Variants in PCDHGA4 observed in about 807,000 individuals in gnomAD.
PCDHGA4 encodes protocadherin gamma-A4.
In PCDHGA4, 38 loss-of-function variants were observed where a neutral mutation model predicts 54.6. The ratio of observed to expected loss-of-function variants is 0.70; its 90% CI spans 0.54 to 0.91. The LOEUF is 0.91. PCDHGA4 is among the 40% of genes least tolerant of loss of function. PCDHGA4 has a pLI of 0.00. For missense variants in PCDHGA4, 1,298 were observed against 1,220.9 expected (o/e 1.06, Z -0.94); for synonymous variants, 511 against 512.9 (o/e 1.00, Z 0.05).
chr5:141,486,608 G>A lies in PCDHGA4; in HGVS notation c.2515-8199G>A. On this transcript the variant is annotated intron_variant, in intron 1 of 3. Transcript: ENST00000571252. The surrounding 1 kb of genome is among the most constrained non-coding windows in gnomAD (Gnocchi z 5.0). ...AGGGGACCTGCTTTGCTCCCTTGCAGCCTCTGACCCAGACTCTGGCTTGAA... is the reference window on the plus strand; with the variant it reads ...AGGGGACCTGCTTTGCTCCCTTGCAACCTCTGACCCAGACTCTGGCTTGAA... 3 of 1,613,546 alleles carry A rather than the reference G, an allele frequency of 1.9e-6. No homozygotes were observed. The highest frequency in any genetic ancestry group is 2.5e-6 in the Non-Finnish European group (3 of 1,180,024).
intron 1 of PCDHGA4, chr5:141,389,596 C>A: frequency 6.2e-7 from 1 of 1,613,132 alleles, no homozygotes; most frequent in Non-Finnish European, 8.5e-7. Context: ...GACGGCTCTG[C>A]GCTCTTCGAT....
intron 1 of PCDHGA4, chr5:141,418,309 G>A (rs756375907): frequency 6.2e-7 from 1 of 1,614,008 alleles, no homozygotes; most frequent in South Asian, 1.1e-5. Flanking sequence ...GCCTGGGGAT[G>A]GGAACAATTC....
At chr5:141,399,372 T>C (rs1333971188) in intron 1 of PCDHGA4, 8 of 1,613,970 alleles carry the variant, frequency 5.0e-6, no homozygotes, top group Non-Finnish European at 6.8e-6. Flanking sequence ...CGGAGTACAA[T>C]GTCACCATCA....
chr5:141,408,144 G>C (rs868032463), intron 1 of PCDHGA4: 4 of 1,496,186 alleles, frequency 2.7e-6, no homozygotes, highest in East Asian at 2.5e-5. Context: ...CTTTTAGCGC[G>C]GTAGAGTGCA....
chr5:141,388,541 T>C, intron 1 of PCDHGA4: 1 of 1,613,800 alleles, frequency 6.2e-7, no homozygotes, highest in Non-Finnish European at 8.5e-7. Flanking sequence ...ACTTTGGAGC[T>C]CCACCCCTAA....
chr5:141,486,150 G>T lies in PCDHGA4; in HGVS notation c.2515-8657G>T. The T allele has an allele frequency of 6.2e-7, 1 of 1,614,180 alleles. No individual in the cohort carries two copies. The highest frequency in any genetic ancestry group is 8.5e-7 in the Non-Finnish European group (1 of 1,180,030). On this transcript the variant is annotated intron_variant, in intron 1 of 3. Transcript: ENST00000571252. This position sits in a 1 kb window ranked among gnomAD's most constrained non-coding sequence, Gnocchi z 5.0. The stretch of plus-strand genomic sequence containing the variant: ...TTTGATGTGCGGGCTCGCGATGGGG[G>T]TTCTCCAGCCATGGAGCAACATTGC...
In PCDHGA4 at chr5:141,486,056, C is replaced by T; in HGVS notation, c.2515-8751C>T. 6.2e-7 allele frequency: 1 copy of T among 1,614,170 alleles called. No homozygotes were observed. The highest frequency in any genetic ancestry group is 8.5e-7 in the Non-Finnish European group (1 of 1,180,026). ...TGATCGTGTAAGAAACCTCTTTAGC[C>T]TGCACCCCACTACTGGAAAGCTTAC... On this transcript the variant is annotated intron_variant, in intron 1 of 3. Transcript: ENST00000571252. The surrounding 1 kb of genome is among the most constrained non-coding windows in gnomAD (Gnocchi z 5.0).
In PCDHGA4 at chr5:141,512,843, T is replaced by G. The variant is rs2099884463; in HGVS notation, c.*1670T>G. ...CCCTCCCCCGTACTGACTTCTCCTATAAGCGCTTCTCTTCGCATAGTCACG... is the reference window on the plus strand; with the variant it reads ...CCCTCCCCCGTACTGACTTCTCCTAGAAGCGCTTCTCTTCGCATAGTCACG... On this transcript the variant is annotated 3_prime_UTR_variant, in exon 4 of 4. Coordinates refer to ENST00000571252, the MANE Select transcript of PCDHGA4 (RefSeq NM_018917.4). 6.6e-6 allele frequency: 1 copy of G among 152,290 alleles called. No individual in the cohort carries two copies. The highest frequency in any genetic ancestry group is 1.5e-5 in the Non-Finnish European group (1 of 68,088). 9.4% of individuals were successfully genotyped at this position (152,290 alleles called of 1,614,324 possible).
chr5:141,403,553 G>T, intron 1 of PCDHGA4: 6 of 1,613,980 alleles, frequency 3.7e-6, no homozygotes, highest in Non-Finnish European at 5.1e-6. Flanking sequence ...GCGCGCCCTG[G>T]ACAGGGAGGA....
In PCDHGA4 at chr5:141,486,828, G is replaced by T. The variant is rs140257646; in HGVS notation, c.2515-7979G>T. ...CCCCTTAGCAGCACTGTAACAGTTC[G>T]TCTATTTGTGCTGGACCTCAATGAC... On this transcript the variant is annotated intron_variant, in intron 1 of 3. Coordinates refer to ENST00000571252, the MANE Select transcript of PCDHGA4 (RefSeq NM_018917.4). This position sits in a 1 kb window ranked among gnomAD's most constrained non-coding sequence, Gnocchi z 5.0. The T allele has an allele frequency of 8.7e-6, 14 of 1,614,218 alleles. No homozygotes were observed. The highest frequency in any genetic ancestry group is 1.2e-5 in the Non-Finnish European group (14 of 1,180,042).
intron 1 of PCDHGA4, chr5:141,394,892 C>T (rs267600457): frequency 4.5e-4 from 723 of 1,613,752 alleles, no homozygotes; most frequent in Non-Finnish European, 5.8e-4. Context: ...CACTCTATCT[C>T]GTGGTGGCAG....
chr5:141,427,819 T>C, intron 1 of PCDHGA4: 1 of 1,531,664 alleles, frequency 6.5e-7, no homozygotes, highest in Non-Finnish European at 8.9e-7. Context: ...AGCGGGGTGG[T>C]GGTCGCGCAG....
chr5:141,441,923 C>A, intron 1 of PCDHGA4: 2 of 351,136 alleles, frequency 5.7e-6, no homozygotes, highest in Non-Finnish European at 5.5e-6. Context: ...AGACACAATG[C>A]GTGGCTGTCC....
At position 141,505,200 on chromosome 5, in the gene PCDHGA4, G is replaced by T. The variant is rs528060752; in HGVS notation, c.2574-193G>T. On this transcript the variant is annotated intron_variant, in intron 2 of 3. Transcript: ENST00000571252. ...AAAGCATCGGAGGCAGCAAAGAGCTGGTTTGAGGGACTGACTTGTGGGATT... is the reference window on the plus strand; with the variant it reads ...AAAGCATCGGAGGCAGCAAAGAGCTTGTTTGAGGGACTGACTTGTGGGATT... Among the ~76,000 whole-genome samples the T allele has an allele frequency of 6.6e-5, 10 of 152,244 alleles. No individual in the cohort carries two copies. The East Asian group carries it at 7.7e-4, about 12-fold the overall frequency.
Position 141,366,617 on chromosome 5 carries a change from T to G in PCDHGA4, c.2514+8996T>G, listed in dbSNP as rs768444252. 5.0e-6 allele frequency: 8 copies of G among 1,614,120 alleles called. No individual in the cohort carries two copies. The African/African-American group carries it at 1.1e-4, about 22-fold the overall frequency. On this transcript the variant is annotated intron_variant, in intron 1 of 3. Transcript: ENST00000571252. ...CCACGAGGTCTCCCTCACCGCGGAC[T>G]CGAGGAAGAGTCACCTGATCTTTCC...
At chr5:141,374,469 A>G in intron 1 of PCDHGA4, 1 of 1,612,698 alleles carries the variant, frequency 6.2e-7, no homozygotes, top group Non-Finnish European at 8.5e-7. Flanking sequence ...ATTAATGACA[A>G]TACACCCCGA....
intron 1 of PCDHGA4, among the ~76,000 whole-genome samples, chr5:141,467,951 A>G (rs2099155044): frequency 6.6e-6 from 1 of 151,944 alleles, no homozygotes; most frequent in East Asian, 1.9e-4. Context: ...GAGCCACCAC[A>G]CCCGGCTGCC....
Position 141,356,858 on chromosome 5 carries a change from T to C in PCDHGA4, c.1751T>C (p.Leu584Pro). The change falls in exon 1 of 4, where the codon CTG (leucine) becomes CCG (proline). Residue 584 changes from leucine (L) to proline (P), a missense_variant. By Grantham distance (98) the Leu-to-Pro change is moderately conservative. Transcript: ENST00000571252. ...SSNVSLSLFV[L>P]DQNDNVPEIL... is the part of the protein sequence containing the mutation. The stretch of plus-strand genomic sequence containing the variant: ...AATGTGTCACTGAGCCTCTTTGTGC[T>C]GGACCAGAACGACAATGTCCCTGAG... 6.2e-7 allele frequency: 1 copy of C among 1,614,210 alleles called. No individual in the cohort carries two copies. The highest frequency in any genetic ancestry group is 8.5e-7 in the Non-Finnish European group (1 of 1,180,038).
At chr5:141,450,831 T>TATA (rs761717068) in intron 1 of PCDHGA4, among the ~76,000 whole-genome samples, 3 of 144,648 alleles carry the variant, frequency 2.1e-5, no homozygotes, top group Non-Finnish European at 4.5e-5. Flanking sequence ...TTATTATTAT[T>TATA]TTTTTTTTTT....
Sources: gnomAD v4.1 joint callset for allele counts (sites outside exome capture counted in the v4.1 genomes callset) on GRCh38, gnomAD v4.1.1 for gene constraint, Gnocchi (gnomAD v3.1) non-coding constraint, MANE v1.5 for transcripts, NCBI Gene and HGNC (gene_info 2026-07-23, HGNC 2026-07-21) for gene names.